Variants in PCBP3 observed in about 807,000 individuals in gnomAD.
PCBP3 encodes poly(rC)-binding protein 3.
PCBP3 carries 25 observed loss-of-function variants against 52.7 expected under a neutral mutation model. The ratio of observed to expected loss-of-function variants is 0.47; its 90% confidence interval spans 0.35 to 0.66. The LOEUF (loss-of-function observed/expected upper bound fraction) is 0.66, where lower values mean the gene tolerates loss of function less well. Ranked by LOEUF, PCBP3 falls within the 30% of genes least tolerant of loss-of-function variation. PCBP3 has a pLI of 0.01. For synonymous variants in PCBP3, 162 were observed against 183.0 expected, an observed-to-expected ratio of 0.89 and a Z score of 0.93; for missense variants, 391 against 490.3, an observed-to-expected ratio of 0.80 and a Z score of 1.91.
In PCBP3 at chr21:45,782,404, A is replaced by C. The variant is rs1404802486; in HGVS notation, c.-126+26952A>C. On this transcript the variant is annotated intron_variant, in intron 4 of 17. Transcript: ENST00000681687. ...TTGAAACATATAGGATCTGAAATTAATAATTTACTAGACATGCCTAACAGA... is the reference window on the plus strand; with the variant it reads ...TTGAAACATATAGGATCTGAAATTACTAATTTACTAGACATGCCTAACAGA... 3.3e-5 allele frequency among the ~76,000 whole-genome samples: 5 copies of C among 151,988 alleles called. No homozygotes were observed. In the East Asian group the frequency reaches 7.7e-4, roughly 23 times the overall value.
chr21:45,675,426 G>T (rs1245803964), intron 2 of PCBP3, among the ~76,000 whole-genome samples: 1 of 152,168 alleles, frequency 6.6e-6, no homozygotes, highest in African/African-American at 2.4e-5. Flanking sequence ...TCTACATTAG[G>T]CAAAGAACCA....
At chr21:45,745,298 C>G (rs1003849264) in intron 3 of PCBP3, among the ~76,000 whole-genome samples, 1 of 152,170 alleles carries the variant, frequency 6.6e-6, no homozygotes, top group African/African-American at 2.4e-5. Flanking sequence ...GAGTTGAACC[C>G]AGGGGAAAGG....
At chr21:45,815,068 A>G (rs1214042466) in intron 4 of PCBP3, among the ~76,000 whole-genome samples, 20 of 58,892 alleles carry the variant, frequency 3.4e-4, no homozygotes, top group Admixed American at 7.1e-4. Flanking sequence ...TGAGTGAGTG[A>G]TGAGTGATGG....
chr21:45,683,481 T>C (rs1246541948), intron 2 of PCBP3, among the ~76,000 whole-genome samples: 2 of 152,052 alleles, frequency 1.3e-5, no homozygotes, highest in African/African-American at 4.8e-5. Flanking sequence ...GGAAGAGATA[T>C]AAAAATAACA....
At chr21:45,844,126 C>A (rs995169489) in intron 4 of PCBP3, among the ~76,000 whole-genome samples, 3 of 152,028 alleles carry the variant, frequency 2.0e-5, no homozygotes, top group Non-Finnish European at 4.4e-5. Flanking sequence ...CAGGCCCCAG[C>A]TCCAGCAGTC....
chr21:45,709,392 A>AGTACTTCC (rs1253557310), intron 2 of PCBP3, among the ~76,000 whole-genome samples: 1 of 152,140 alleles, frequency 6.6e-6, no homozygotes, highest in Non-Finnish European at 1.5e-5. Flanking sequence ...TGAAATATTG[A>AGTACTTCC]GTACTTCCTG....
Position 45,901,066 on chromosome 21 carries a change from G to T in PCBP3, c.292G>T (p.Asp98Tyr), listed in dbSNP as rs1202522738. ...ERIVTITGPTDAIFKAFAMIA... is the reference protein window; with the variant it reads ...ERIVTITGPTYAIFKAFAMIA... ...GATTGTGACCATCACAGGCCCCACA[G>T]ACGCCATCTTCAAGGCCTTTGCCAT... is the stretch of plus-strand genomic sequence containing the variant. Residue 98 changes from aspartate (D) to tyrosine (Y), a missense_variant, in exon 9 of 18, where the codon GAC becomes TAC. By Grantham distance (160) the Asp-to-Tyr change is radical. Coordinates refer to ENST00000681687, the MANE Select transcript of PCBP3 (RefSeq NM_001384156.1). The T allele has an allele frequency of 2.5e-6, 4 of 1,614,076 alleles. No homozygotes were observed. Among genetic ancestry groups the T allele is most frequent in the Non-Finnish European group, 3.4e-6 (4 of 1,179,940 alleles).
In PCBP3 at chr21:45,691,337, A is replaced by G. The variant is rs2082450406; in HGVS notation, c.-200+22385A>G. Among the ~76,000 whole-genome samples the G allele has an allele frequency of 4.7e-5, 7 of 149,218 alleles. No homozygotes were observed. The South Asian group carries it at 1.5e-3, about 31-fold the overall frequency. On this transcript the variant is annotated intron_variant, in intron 2 of 17. Coordinates refer to ENST00000681687, the MANE Select transcript of PCBP3 (RefSeq NM_001384156.1). ...TGGGGAATATTGAATGAAAAGGGGT[A>G]CCAGAGCCTTTTGGGGTGATGTTCT...
Position 45,800,863 on chromosome 21 carries a change from G to T in PCBP3, c.-126+45411G>T, listed in dbSNP as rs1243064184. ...GGGAGATGGGGTGTTTGAGCATGGG[G>T]TTCCCGCCTCCTCCTCCAAGTGACT... On this transcript the variant is annotated intron_variant, in intron 4 of 17. Coordinates refer to ENST00000681687, the MANE Select transcript of PCBP3 (RefSeq NM_001384156.1). This position sits in a 1 kb window ranked among gnomAD's most constrained non-coding sequence, Gnocchi z 5.3. 6.7e-6 allele frequency among the ~76,000 whole-genome samples: 1 copy of T among 148,730 alleles called. No individual in the cohort carries two copies. Among genetic ancestry groups the T allele is most frequent in the African/African-American group, 2.6e-5 (1 of 38,188 alleles).
intron 2 of PCBP3, among the ~76,000 whole-genome samples, chr21:45,680,217 A>G (rs1332593504): frequency 1.3e-5 from 2 of 152,102 alleles, no homozygotes; most frequent in Admixed American, 6.6e-5. Context: ...TTGCTTTTCC[A>G]TATTTATTTT....
intron 5 of PCBP3, among the ~76,000 whole-genome samples, chr21:45,892,018 G>T (rs1351145371): frequency 6.6e-6 from 1 of 152,210 alleles, no homozygotes; most frequent in Non-Finnish European, 1.5e-5. Flanking sequence ...TGTAAGGGGG[G>T]TTTATTCAAA....
chr21:45,818,914 G>A (rs1394345711), intron 4 of PCBP3, among the ~76,000 whole-genome samples: 1 of 152,226 alleles, frequency 6.6e-6, no homozygotes, highest in Non-Finnish European at 1.5e-5. Context: ...GCCTGAAAAG[G>A]CTGCATGCTA....
intron 4 of PCBP3, among the ~76,000 whole-genome samples, chr21:45,815,073 TGATG>T (rs2092847818): frequency 1.3e-5 from 1 of 78,840 alleles, no homozygotes; most frequent in Admixed American, 1.2e-4. Context: ...GAGTGATGAG[TGATG>T]GGTGAGTGGT....
intron 2 of PCBP3, among the ~76,000 whole-genome samples, chr21:45,685,846 A>G (rs1603259172): frequency 6.6e-6 from 1 of 151,982 alleles, no homozygotes; most frequent in African/African-American, 2.4e-5. Context: ...TAACCAACAC[A>G]TGAGACTCCA....
At chr21:45,711,054 G>A (rs938916656) in intron 2 of PCBP3, among the ~76,000 whole-genome samples, 1 of 152,086 alleles carries the variant, frequency 6.6e-6, no homozygotes, top group Admixed American at 6.5e-5. Context: ...GATGCTCCAG[G>A]CTCATTTTGT....
chr21:45,876,027 A>G (rs1214069658), intron 5 of PCBP3, among the ~76,000 whole-genome samples: 1 of 152,104 alleles, frequency 6.6e-6, no homozygotes, highest in South Asian at 2.1e-4. Context: ...TTCCCGCTGG[A>G]CCCTTTTTCA....
intron 9 of PCBP3, among the ~76,000 whole-genome samples, chr21:45,902,859 A>G (rs1238912567): frequency 6.6e-6 from 1 of 152,254 alleles, no homozygotes; most frequent in African/African-American, 2.4e-5. Flanking sequence ...TCTTCCACCC[A>G]GGGCAGGCGG....
intron 4 of PCBP3, chr21:45,762,540 AGTGCAGTGGCATGATCTT>A (rs2088811651): frequency 7.8e-6 from 1 of 128,452 alleles, no homozygotes; most frequent in African/African-American, 3.0e-5. Flanking sequence ...CCCAGGCTGG[AGTGCAGTGGCATGATCTT>A]GGCTCAACCT....
chr21:45,849,385 G>A (rs2093906822), intron 4 of PCBP3, among the ~76,000 whole-genome samples: 1 of 151,638 alleles, frequency 6.6e-6, no homozygotes, highest in Non-Finnish European at 1.5e-5. Context: ...TTTGTATTTT[G>A]GTAGAGATGG....
Sources: gnomAD v4.1 joint callset for allele counts (sites outside exome capture counted in the v4.1 genomes callset) on GRCh38, gnomAD v4.1.1 for gene constraint, Gnocchi (gnomAD v3.1) non-coding constraint, MANE v1.5 for transcripts, NCBI Gene and HGNC (gene_info 2026-07-23, HGNC 2026-07-21) for gene names.